The following COX7B2 variants were observed in gnomAD, a reference collection of about 807,000 sequenced individuals.
COX7B2 encodes the protein cytochrome c oxidase subunit 7B2.
For synonymous variants in COX7B2, 37 were observed against 32.1 expected, an observed-to-expected ratio of 1.15 and a Z score of -0.51; for missense variants, 109 against 95.9, an observed-to-expected ratio of 1.14 and a Z score of -0.57.
intron 1 of COX7B2, among the ~76,000 whole-genome samples, chr4:46,861,308 C>T (rs1717321891): frequency 6.6e-6 from 1 of 152,170 alleles, no homozygotes; most frequent in African/African-American, 2.4e-5. Flanking sequence ...TGTACCTATG[C>T]CCTCTTTGCA....
intron 2 of COX7B2, among the ~76,000 whole-genome samples, chr4:46,785,079 CAA>C (rs1184938455): frequency 1.3e-5 from 2 of 152,190 alleles, no homozygotes; most frequent in Admixed American, 6.5e-5. Flanking sequence ...TTCATTACTC[CAA>C]AGAGTTTTAA....
intron 2 of COX7B2, among the ~76,000 whole-genome samples, chr4:46,756,873 C>G (rs182115969): frequency 2.0e-4 from 30 of 152,062 alleles, no homozygotes; most frequent in East Asian, 1.9e-4. Flanking sequence ...GTAAAACAAA[C>G]TAGGTATTTC....
At chr4:46,782,181 A>G (rs1244764949) in intron 2 of COX7B2, among the ~76,000 whole-genome samples, 4 of 152,264 alleles carry the variant, frequency 2.6e-5, no homozygotes, top group African/African-American at 9.6e-5. Flanking sequence ...ATATGCATCA[A>G]TCAGCACTCT....
At chr4:46,739,508 A>G (rs879429505) in intron 2 of COX7B2, among the ~76,000 whole-genome samples, 3 of 152,106 alleles carry the variant, frequency 2.0e-5, no homozygotes, top group Admixed American at 1.3e-4. Flanking sequence ...AGCTTATGGT[A>G]TAGTGGAGAA....
intron 2 of COX7B2, among the ~76,000 whole-genome samples, chr4:46,779,560 G>A (rs1717330465): frequency 6.6e-6 from 1 of 152,058 alleles, no homozygotes; most frequent in Non-Finnish European, 1.5e-5. Flanking sequence ...AGATTGCTGG[G>A]TTATATGGTA....
chr4:46,904,424 T>A (rs7690061), intron 1 of COX7B2, among the ~76,000 whole-genome samples: 20,277 of 152,070 alleles, frequency 0.13, 1,471 homozygotes, highest in South Asian at 0.25. Context: ...GAAATTAAAA[T>A]GGCCCTTAAA....
intron 1 of COX7B2, among the ~76,000 whole-genome samples, chr4:46,895,774 C>A (rs189283644): frequency 3.9e-5 from 6 of 152,034 alleles, no homozygotes; most frequent in African/African-American, 1.4e-4. Flanking sequence ...TAAGGCCCCC[C>A]CCAAATTGTA....
chr4:46,905,968 T>C (rs1166685293), intron 1 of COX7B2, among the ~76,000 whole-genome samples: 1 of 150,870 alleles, frequency 6.6e-6, no homozygotes, highest in African/African-American at 2.4e-5. Flanking sequence ...TAGCTGGGAC[T>C]ACAGGCGCCC....
Position 46,769,072 on chromosome 4 carries a change from A to G in COX7B2, c.-49-33831T>C, listed in dbSNP as rs758281823. Among the ~76,000 whole-genome samples, 6 of 152,214 alleles carry G rather than the reference A, an allele frequency of 3.9e-5. 1 individual carries two copies. In the Middle Eastern group the frequency reaches 0.01, roughly 259 times the overall value. On this transcript the variant is annotated intron_variant, in intron 2 of 2. Coordinates refer to ENST00000355591, the MANE Select transcript of COX7B2 (RefSeq NM_130902.3). ...CCAATAAAGAAAATCCTAGGATCTG[A>G]TCACTTTACTGGTAAATTCTAACAA...
rs576274060 is a variant in COX7B2, at chr4:46,857,993, T to A, written c.-104-12979A>T. ...GTTTTAACTTATCATTTTGTTTAAC[T>A]ACTCGAAGCTGGTGGGGTTTTTGAA... On this transcript the variant is annotated intron_variant, in intron 1 of 2. Coordinates refer to ENST00000355591, the MANE Select transcript of COX7B2 (RefSeq NM_130902.3). Among the ~76,000 whole-genome samples the A allele has an allele frequency of 6.3e-4, 96 of 152,342 alleles. 1 individual carries two copies. Among genetic ancestry groups the A allele is most frequent in the Non-Finnish European group, 1.2e-3 (83 of 68,034 alleles).
At chr4:46,770,457 C>T (rs549660097) in intron 2 of COX7B2, among the ~76,000 whole-genome samples, 3 of 152,018 alleles carry the variant, frequency 2.0e-5, no homozygotes, top group African/African-American at 7.2e-5. Flanking sequence ...TACCAAAATT[C>T]CAATGGCATT....
At chr4:46,896,246 A>G (rs775305715) in intron 1 of COX7B2, among the ~76,000 whole-genome samples, 1 of 152,160 alleles carries the variant, frequency 6.6e-6, no homozygotes, top group Non-Finnish European at 1.5e-5. Flanking sequence ...GAGACTGTCT[A>G]ATGGGGAAAA....
In COX7B2 at chr4:46,741,951, C is replaced by T. The variant is rs1714742977; in HGVS notation, c.-49-6710G>A. On this transcript the variant is annotated intron_variant, in intron 2 of 2. Coordinates refer to ENST00000355591, the MANE Select transcript of COX7B2 (RefSeq NM_130902.3). ...AGTCAGATAATCTCCAAGGTACTATCCAGCTCTAACACTCTGGGCTTTTCC... is the reference window on the plus strand; with the variant it reads ...AGTCAGATAATCTCCAAGGTACTATTCAGCTCTAACACTCTGGGCTTTTCC... Among the ~76,000 whole-genome samples the T allele has an allele frequency of 3.3e-5, 5 of 152,044 alleles. No individual in the cohort carries two copies. The South Asian group carries it at 8.3e-4, about 25-fold the overall frequency.
At chr4:46,772,377 G>T in intron 2 of COX7B2, among the ~76,000 whole-genome samples, 1 of 152,084 alleles carries the variant, frequency 6.6e-6, no homozygotes, top group South Asian at 2.1e-4. Flanking sequence ...TGCAGCATGG[G>T]CAATATAGTT....
Position 46,789,210 on chromosome 4 carries a change from C to G in COX7B2, c.-49-53969G>C, listed in dbSNP as rs561295467. ...TATAGATTATCAAGGCTATTTTACT[C>G]GTGTTCTCCAGTTGCTTCTCCTTTG... On this transcript the variant is annotated intron_variant, in intron 2 of 2. Transcript: ENST00000355591. 1.4e-4 allele frequency among the ~76,000 whole-genome samples: 21 copies of G among 152,240 alleles called. 1 individual carries two copies. The highest frequency in any genetic ancestry group is 4.1e-4 in the South Asian group (2 of 4,830).
chr4:46,737,539 T>C (rs953562129), intron 2 of COX7B2, among the ~76,000 whole-genome samples: 1 of 152,120 alleles, frequency 6.6e-6, no homozygotes, highest in Non-Finnish European at 1.5e-5. Context: ...TATAAGTGAA[T>C]ATTGGTATCC....
At chr4:46,821,279 A>G (rs1307079416) in intron 2 of COX7B2, among the ~76,000 whole-genome samples, 1 of 152,260 alleles carries the variant, frequency 6.6e-6, no homozygotes, top group Non-Finnish European at 1.5e-5. Context: ...ATTGTTAGAT[A>G]GCATAGATAA....
intron 1 of COX7B2, among the ~76,000 whole-genome samples, chr4:46,874,343 T>C (rs892028761): frequency 1.4e-4 from 21 of 152,338 alleles, no homozygotes; most frequent in African/African-American, 5.1e-4. Flanking sequence ...CTGAAGTGTT[T>C]TTAGTCGCAG....
intron 2 of COX7B2, among the ~76,000 whole-genome samples, chr4:46,826,659 A>G (rs1036440684): frequency 2.0e-5 from 3 of 152,200 alleles, no homozygotes; most frequent in Non-Finnish European, 4.4e-5. Context: ...GTACATATAC[A>G]TCATGGAATA....
Sources: allele counts gnomAD v4.1 joint callset (sites outside exome capture counted in the v4.1 genomes callset), GRCh38; gene constraint gnomAD v4.1.1; transcripts MANE v1.5; gene names NCBI Gene and HGNC (gene_info 2026-07-23, HGNC 2026-07-21).